GRK3: variants seen among roughly 807,000 people sequenced by gnomAD.
GRK3 encodes adrenergic, beta, receptor kinase 2.
Under a neutral mutation model 95.7 loss-of-function variants are expected in GRK3, and 54 were observed. The observed-to-expected ratio is 0.56, with a 90% confidence interval of 0.45 to 0.71. The LOEUF is 0.71. Among genes scored for constraint, GRK3 ranks in the 30% least tolerant of loss-of-function variants. GRK3 has a pLI of 0.00. For synonymous variants in GRK3, 281 were observed against 290.8 expected (o/e 0.97, Z 0.34); for missense variants, 649 against 851.2 (o/e 0.76, Z 2.96).
At chr22:25,577,366 G>T (rs961220639) in intron 1 of GRK3, among the ~76,000 whole-genome samples, 1 of 151,992 alleles carries the variant, frequency 6.6e-6, no homozygotes, top group Non-Finnish European at 1.5e-5. Flanking sequence ...GTAGAGACAG[G>T]GTTTTGCCAC....
intron 9 of GRK3, among the ~76,000 whole-genome samples, 189 bp from the exon 10 acceptor site, chr22:25,684,981 C>A (rs2085101570): frequency 6.6e-6 from 1 of 152,114 alleles, no homozygotes; most frequent in Non-Finnish European, 1.5e-5. Context: ...CACTAACTAC[C>A]CTGATTAGAT....
At chr22:25,631,101 A>C (rs761152428) in intron 2 of GRK3, among the ~76,000 whole-genome samples, 9 of 152,240 alleles carry the variant, frequency 5.9e-5, no homozygotes, top group Non-Finnish European at 1.0e-4. Flanking sequence ...AGAATTGTTA[A>C]TTGGGAATGT....
intron 13 of GRK3, among the ~76,000 whole-genome samples, chr22:25,697,998 T>A (rs748400998): frequency 1.3e-5 from 2 of 152,044 alleles, no homozygotes; most frequent in Non-Finnish European, 2.9e-5. Flanking sequence ...TGATAAGCAT[T>A]TACTGCGTAC....
intron 1 of GRK3, among the ~76,000 whole-genome samples, chr22:25,590,960 C>T (rs577114585): frequency 6.6e-6 from 1 of 152,116 alleles, no homozygotes; most frequent in Non-Finnish European, 1.5e-5. Context: ...ATTGTCTTAC[C>T]AGCTGGGCGT....
intron 1 of GRK3, among the ~76,000 whole-genome samples, chr22:25,587,848 C>T (rs564055451): frequency 2.0e-5 from 3 of 152,230 alleles, no homozygotes; most frequent in Admixed American, 1.3e-4. Flanking sequence ...CTATGTAAGA[C>T]GTACCCTTTG....
intron 8 of GRK3, among the ~76,000 whole-genome samples, chr22:25,676,829 T>C (rs2146420024): frequency 6.6e-6 from 1 of 152,128 alleles, no homozygotes; most frequent in Admixed American, 6.5e-5. Flanking sequence ...AGGAGCCATA[T>C]AGCTAGAAAG....
At position 25,729,056 on chromosome 22, in the gene GRK3, C is replaced by G. The variant is rs903494331; in HGVS notation, c.*6606C>G. On this transcript the variant is annotated 3_prime_UTR_variant, in exon 21 of 21. Coordinates refer to ENST00000324198, the MANE Select transcript of GRK3 (RefSeq NM_005160.4). ...AGACAAAATATCATTGGTTCTATCT[C>G]TTTTTGTATCTGTTGTGCCAGGGAA... The G allele has an allele frequency of 6.6e-6, 1 of 152,150 alleles. No homozygotes were observed. Among genetic ancestry groups the G allele is most frequent in the Non-Finnish European group, 1.5e-5 (1 of 68,030 alleles). 9.4% of individuals were successfully genotyped at this position (152,150 alleles called of 1,614,324 possible).
intron 9 of GRK3, among the ~76,000 whole-genome samples, chr22:25,680,027 C>T (rs1281975632): frequency 6.6e-6 from 1 of 152,148 alleles, no homozygotes; most frequent in Admixed American, 6.5e-5. Context: ...GCCAGTGCTC[C>T]TTTTATCATC....
intron 18 of GRK3, among the ~76,000 whole-genome samples, chr22:25,716,862 C>T (rs533298372): frequency 6.6e-6 from 1 of 152,354 alleles, no homozygotes; most frequent in African/African-American, 2.4e-5. Context: ...CTGAGCTCCG[C>T]CTCCTGTCAG....
chr22:25,674,470 A>G lies in GRK3; in HGVS notation c.589A>G (p.Ile197Val), dbSNP rs778662378. ...TMNEFSVHRI[I>V]GRGGFGEVYG... ...GAATGAGTTCAGTGTGCATAGGATT[A>G]TTGGACGAGGAGGATTCGGGGAAGT... The change falls in exon 8 of 21, where the codon ATT becomes GTT. Residue 197 changes from isoleucine to valine, a missense_variant. Physicochemically the swap from Ile to Val is conservative, Grantham distance 29. Around this residue, in one of 3 missense-constraint regions of GRK3, gnomAD observed 61 missense variants for 126.0 expected, o/e 0.48. Transcript: ENST00000324198. 1 of 1,614,128 alleles carries G rather than the reference A, an allele frequency of 6.2e-7. No individual in the cohort carries two copies. The highest frequency in any genetic ancestry group is 8.5e-7 in the Non-Finnish European group (1 of 1,179,956).
intron 13 of GRK3, among the ~76,000 whole-genome samples, chr22:25,701,630 A>C (rs1285216803): frequency 6.6e-6 from 1 of 152,226 alleles, no homozygotes; most frequent in Non-Finnish European, 1.5e-5. Flanking sequence ...TTTAGCACAG[A>C]GCGCTTGTGT....
chr22:25,654,737 A>G (rs2084857824), intron 3 of GRK3, among the ~76,000 whole-genome samples: 1 of 152,200 alleles, frequency 6.6e-6, no homozygotes, highest in African/African-American at 2.4e-5. Context: ...CAGATGGGCA[A>G]TCTACTTGTG....
intron 2 of GRK3, among the ~76,000 whole-genome samples, chr22:25,609,427 G>T (rs554020328): frequency 1.3e-5 from 2 of 151,968 alleles, no homozygotes; most frequent in Non-Finnish European, 2.9e-5. Context: ...TGCCTCACAG[G>T]TTCAAGCAAT....
intron 1 of GRK3, among the ~76,000 whole-genome samples, chr22:25,576,751 T>C (rs1317373117): frequency 6.6e-6 from 1 of 152,200 alleles, no homozygotes; most frequent in African/African-American, 2.4e-5. Context: ...TCTTATTTTA[T>C]GAGGAGGGGG....
chr22:25,569,045 A>G (rs1373965713), intron 1 of GRK3, among the ~76,000 whole-genome samples: 1 of 152,206 alleles, frequency 6.6e-6, no homozygotes, highest in Non-Finnish European at 1.5e-5. Flanking sequence ...TTTAACTCCA[A>G]TCAGTAAGTG....
intron 8 of GRK3, 85 bp downstream of exon 8, chr22:25,674,613 G>A (rs1399006147): frequency 2.0e-6 from 2 of 1,015,602 alleles, no homozygotes; most frequent in Non-Finnish European, 3.0e-6. Flanking sequence ...AAAGAAATGT[G>A]GAAACCTATG....
rs185705974 is a variant in GRK3 at position 25,622,399 on chromosome 22, C to T, written c.190+17946C>T. On this transcript the variant is annotated intron_variant, in intron 2 of 20. Transcript: ENST00000324198. ...TGAAGAGCCAGGACCTGAAGGAGAC[C>T]GAGTAGCGCTTACATAGGTTAGTTG... is the stretch of plus-strand genomic sequence containing the variant. 1.9e-3 allele frequency among the ~76,000 whole-genome samples: 293 copies of T among 152,218 alleles called. 5 individuals carry two copies. The highest frequency in any genetic ancestry group is 0.016 in the Admixed American group (247 of 15,292).
At chr22:25,568,121 C>T (rs528694672) in intron 1 of GRK3, among the ~76,000 whole-genome samples, 1 of 152,334 alleles carries the variant, frequency 6.6e-6, no homozygotes, top group South Asian at 2.1e-4. Context: ...GACCCACAGC[C>T]TCCCTTGCAG....
chr22:25,620,485 C>T (rs1051962567), intron 2 of GRK3, among the ~76,000 whole-genome samples: 2 of 152,062 alleles, frequency 1.3e-5, no homozygotes, highest in Admixed American at 6.5e-5. Context: ...GTTGCCAGCC[C>T]GGCTCTAAGA....
Sources: gnomAD v4.1 joint callset for allele counts (sites outside exome capture counted in the v4.1 genomes callset) on GRCh38, gnomAD v4.1.1 for gene constraint, gnomAD v4.1.1 regional missense constraint, MANE v1.5 for transcripts, NCBI Gene and HGNC (gene_info 2026-07-23, HGNC 2026-07-21) for gene names.